Variants in PLA2R1 observed in about 807,000 individuals in gnomAD.
The protein encoded by PLA2R1 is secretory phospholipase A2 receptor.
PLA2R1 carries 158 observed loss-of-function variants against 195.9 expected under a neutral mutation model. That is an observed-to-expected ratio of 0.81 (90% CI 0.71 to 0.92). The LOEUF is 0.92. Ranked by LOEUF, PLA2R1 falls within the 40% of genes least tolerant of loss-of-function variation. PLA2R1 has a pLI of 0.00. For missense variants in PLA2R1, 1,626 were observed against 1,764.6 expected (o/e 0.92, Z 1.41); for synonymous variants, 586 against 598.2 (o/e 0.98, Z 0.30).
chr2:159,949,913 G>A (rs1177418879), intron 24 of PLA2R1, 137 bp from the exon 25 acceptor site: 1 of 632,954 alleles, frequency 1.6e-6, no homozygotes, highest in Non-Finnish European at 2.8e-6. Flanking sequence ...GGACATCTGT[G>A]AATACAGCTT....
intron 28 of PLA2R1, among the ~76,000 whole-genome samples, chr2:159,942,709 G>C (rs1300495430): frequency 1.3e-5 from 2 of 151,966 alleles, no homozygotes; most frequent in African/African-American, 4.8e-5. Context: ...CAAAAAGTTA[G>C]AGAGTTTCTG....
chr2:160,013,333 C>T lies in PLA2R1; in HGVS notation c.1594G>A (p.Val532Ile). 1 of 1,611,062 alleles carries T rather than the reference C, an allele frequency of 6.2e-7. No individual in the cohort carries two copies. Among genetic ancestry groups the T allele is most frequent in the South Asian group, 1.1e-5 (1 of 90,940 alleles). Residue 532 changes from valine to isoleucine, a missense_variant, in exon 10 of 30, where the codon GTC becomes ATC. By Grantham distance (29) the Val-to-Ile change is conservative. Transcript: ENST00000283243. ...GAAGCTTGGTCAAAGCTTCGAAGGA[C>T]TGTGTCAATTTTGTAACAGAATCCA... is the stretch of plus-strand genomic sequence containing the variant. Reference protein sequence around the residue: ...HGGFCYKIDTVLRSFDQASSG... With the variant: ...HGGFCYKIDTILRSFDQASSG...
chr2:159,942,057 G>A (rs1337347062), intron 29 of PLA2R1, 65 bp from the exon 30 acceptor site: 5 of 1,552,660 alleles, frequency 3.2e-6, no homozygotes, highest in Non-Finnish European at 4.4e-6. Flanking sequence ...TATAGATACT[G>A]TCATACAGCT....
chr2:159,995,434 T>C (rs1286372487), intron 11 of PLA2R1, among the ~76,000 whole-genome samples: 1 of 152,070 alleles, frequency 6.6e-6, no homozygotes, highest in Admixed American at 6.6e-5. Flanking sequence ...AACCAAAGAT[T>C]TTCTCTACTC....
chr2:160,045,241 T>G, intron 1 of PLA2R1, 84 bp from the exon 2 acceptor site: 2 of 1,044,080 alleles, frequency 1.9e-6, no homozygotes, highest in South Asian at 3.1e-5. Context: ...CATATCTAAG[T>G]GCGATATGCG....
At chr2:159,996,673 T>C (rs1691233274) in intron 11 of PLA2R1, among the ~76,000 whole-genome samples, 1 of 152,122 alleles carries the variant, frequency 6.6e-6, no homozygotes. Flanking sequence ...ATATTCCCAT[T>C]ACACAGTTTG....
At chr2:159,931,645 C>T (rs1186691571), downstream of PLA2R1, among the ~76,000 whole-genome samples, 5 of 152,164 alleles carry the variant, frequency 3.3e-5, no homozygotes, top group Admixed American at 2.6e-4. Context: ...TCTCAATCTC[C>T]CCCGGCTCAG....
At chr2:159,958,267 TG>T in intron 20 of PLA2R1, among the ~76,000 whole-genome samples, 1 of 152,074 alleles carries the variant, frequency 6.6e-6, no homozygotes, top group East Asian at 1.9e-4. Context: ...CACCCTCTTG[TG>T]CTTGCTCTTG....
intron 3 of PLA2R1, among the ~76,000 whole-genome samples, chr2:160,040,209 T>C (rs188066408): frequency 6.6e-6 from 1 of 152,164 alleles, no homozygotes; most frequent in East Asian, 1.9e-4. Context: ...CTGACAGTTA[T>C]AAAATAATAA....
intron 13 of PLA2R1, among the ~76,000 whole-genome samples, chr2:159,982,806 A>C (rs1377761645): frequency 4.6e-5 from 7 of 152,234 alleles, no homozygotes; most frequent in Admixed American, 4.6e-4. Context: ...CCAGTGTTTC[A>C]TTGAGACTCT....
In PLA2R1 at chr2:159,977,396, G is replaced by A. The variant is rs1452759429; in HGVS notation, c.2289C>T (p.Asp763=). ...TTGCATCTTCTCCAAAATAAGTGTT[G>A]TCTAAAAACGAAGAGACAACCTGCA... ...DRTPVVSSFL[D]NTYFGEDARN... is the part of the protein sequence containing the mutation. Residue 763 remains aspartate (D), a synonymous_variant, in exon 15 of 30, where the codon GAC becomes GAT. Coordinates refer to ENST00000283243, the MANE Select transcript of PLA2R1 (RefSeq NM_007366.5). 3 of 1,612,666 alleles carry A rather than the reference G, an allele frequency of 1.9e-6. No individual in the cohort carries two copies. Among genetic ancestry groups the A allele is most frequent in the Non-Finnish European group, 2.5e-6 (3 of 1,179,036 alleles).
chr2:159,951,608 T>C, intron 23 of PLA2R1, 30 bp from the exon 24 acceptor site: 1 of 1,113,306 alleles, frequency 9.0e-7, no homozygotes, highest in South Asian at 1.2e-5. Flanking sequence ...AAAAGTCATT[T>C]GCAGCATCTG....
chr2:160,035,231 G>A (rs759070977), intron 3 of PLA2R1, among the ~76,000 whole-genome samples: 1 of 152,160 alleles, frequency 6.6e-6, no homozygotes, highest in Non-Finnish European at 1.5e-5. Context: ...TGCTTCTCTA[G>A]GATAGGCTGC....
intron 3 of PLA2R1, among the ~76,000 whole-genome samples, chr2:160,034,593 G>A (rs902137777): frequency 1.3e-4 from 20 of 152,202 alleles, no homozygotes; most frequent in Admixed American, 2.6e-4. Flanking sequence ...TGACAGCTGA[G>A]ACCATGATGG....
intron 16 of PLA2R1, among the ~76,000 whole-genome samples, 195 bp downstream of exon 16, chr2:159,976,490 T>C (rs1038640002): frequency 2.6e-5 from 4 of 152,182 alleles, no homozygotes; most frequent in Admixed American, 2.0e-4. Flanking sequence ...ATGAAAATGA[T>C]TGATGATACT....
At chr2:160,058,064 C>A (rs1559032819) in intron 1 of PLA2R1, among the ~76,000 whole-genome samples, 1 of 152,046 alleles carries the variant, frequency 6.6e-6, no homozygotes, top group Non-Finnish European at 1.5e-5. Flanking sequence ...TCTTCCCTCT[C>A]TGGTCTCATG....
chr2:159,943,659 T>C (rs773785126), intron 28 of PLA2R1, among the ~76,000 whole-genome samples: 1 of 152,208 alleles, frequency 6.6e-6, no homozygotes, highest in African/African-American at 2.4e-5. Flanking sequence ...CTTGGAAAGC[T>C]GCTGCGAAGG....
chr2:159,946,762 GTATT>G (rs748002896), intron 27 of PLA2R1, 35 bp downstream of exon 27: 1 of 1,553,910 alleles, frequency 6.4e-7, no homozygotes, highest in East Asian at 2.4e-5. Context: ...TAACAACCAT[GTATT>G]TATTTATGTC....
chr2:159,952,871 C>T (rs537228913), intron 23 of PLA2R1, among the ~76,000 whole-genome samples: 1 of 152,284 alleles, frequency 6.6e-6, no homozygotes, highest in African/African-American at 2.4e-5. Flanking sequence ...CTCAATACAG[C>T]AGCTGTACAT....
Sources: allele counts gnomAD v4.1 joint callset (sites outside exome capture counted in the v4.1 genomes callset), GRCh38; gene constraint gnomAD v4.1.1; transcripts MANE v1.5; gene names NCBI Gene and HGNC (gene_info 2026-07-23, HGNC 2026-07-21).